Variants in PDZD8 observed in about 807,000 individuals in gnomAD.
The protein encoded by PDZD8 is PDZ domain-containing protein 8.
PDZD8 carries 14 observed loss-of-function variants against 85.8 expected under a neutral mutation model. The ratio of observed to expected loss-of-function variants is 0.16; its 90% CI spans 0.11 to 0.26. PDZD8 has a LOEUF of 0.26. Among genes scored for constraint, PDZD8 ranks in the 10% least tolerant of loss-of-function variants. PDZD8 has a pLI of 1.00. For missense variants in PDZD8, 1,197 were observed against 1,424.3 expected, an observed-to-expected ratio of 0.84 and a Z score of 2.57; for synonymous variants, 592 against 568.6, an observed-to-expected ratio of 1.04 and a Z score of -0.59.
chr10:117,332,980 G>A (rs147496690), intron 2 of PDZD8, among the ~76,000 whole-genome samples: 4,194 of 151,378 alleles, frequency 0.028, 211 homozygotes, highest in African/African-American at 0.098. Context: ...TTAGATGGGT[G>A]TGGTGGCGGG....
chr10:117,344,347 C>A lies in PDZD8; in HGVS notation c.873-3245G>T, dbSNP rs75111499. ...TGGTGTTTGAACCCTGTTTCCCCAA[C>A]AAGCTCAGGGTGGCAGATTCCACAG... On this transcript the variant is annotated intron_variant, in intron 1 of 4. Coordinates refer to ENST00000334464, the MANE Select transcript of PDZD8 (RefSeq NM_173791.5). Among the ~76,000 whole-genome samples the A allele has an allele frequency of 7.1e-3, 1,077 of 152,338 alleles. 7 individuals carry two copies. Among genetic ancestry groups the A allele is most frequent in the Middle Eastern group, 0.02 (6 of 294 alleles).
At position 117,282,374 on chromosome 10, in the gene PDZD8, T is replaced by C. The variant is rs363239; in HGVS notation, c.*894A>G. The C allele has an allele frequency of 6.6e-6, 1 of 152,190 alleles. No homozygotes were observed. Among genetic ancestry groups the C allele is most frequent in the East Asian group, 1.9e-4 (1 of 5,194 alleles). The allele number at this position is 152,190 out of a possible 1,614,324, so 9.4% of individuals were successfully genotyped here. Reference sequence around the variant, plus strand: ...AAAATTATCATAAATGTTTAAACTTTTAATTATAAAATTTAAATTTCCATT... The same window carrying C: ...AAAATTATCATAAATGTTTAAACTTCTAATTATAAAATTTAAATTTCCATT... On this transcript the variant is annotated 3_prime_UTR_variant, in exon 5 of 5. Coordinates refer to ENST00000334464, the MANE Select transcript of PDZD8 (RefSeq NM_173791.5).
intron 3 of PDZD8, among the ~76,000 whole-genome samples, chr10:117,304,039 A>C (rs2532780): frequency 0.95 from 145,098 of 152,202 alleles, 69,556 homozygotes; most frequent in East Asian, 1. Flanking sequence ...ATCCTCCAGA[A>C]CCCAGAATGG....
chr10:117,356,609 T>C (rs1380796332), intron 1 of PDZD8, among the ~76,000 whole-genome samples: 2 of 152,226 alleles, frequency 1.3e-5, no homozygotes, highest in African/African-American at 4.8e-5. Flanking sequence ...AGTTATGTTA[T>C]TGTTATTCCT....
chr10:117,317,878 A>G (rs1844157230), intron 3 of PDZD8, among the ~76,000 whole-genome samples: 1 of 152,220 alleles, frequency 6.6e-6, no homozygotes, highest in Non-Finnish European at 1.5e-5. Flanking sequence ...CACTGCTTTC[A>G]TAAACGCAAA....
chr10:117,319,392 A>AACACACACACACACAC (rs199983551), intron 2 of PDZD8, among the ~76,000 whole-genome samples: 3 of 101,720 alleles, frequency 2.9e-5, no homozygotes, highest in Admixed American at 1.1e-4. Flanking sequence ...ATTGCTCATA[A>AACACACACACACACAC]ACACACACAC....
At chr10:117,286,388 A>G (rs1223481556) in intron 4 of PDZD8, among the ~76,000 whole-genome samples, 3 of 152,210 alleles carry the variant, frequency 2.0e-5, no homozygotes, top group Non-Finnish European at 4.4e-5. Flanking sequence ...CCCTTTATGT[A>G]GAACTTAGAG....
chr10:117,322,704 GA>G (rs79859539), intron 2 of PDZD8, among the ~76,000 whole-genome samples: 6,918 of 152,184 alleles, frequency 0.045, 303 homozygotes, highest in East Asian at 0.22. Flanking sequence ...TTGATCAGTG[GA>G]ATGTCAGAGC....
intron 1 of PDZD8, among the ~76,000 whole-genome samples, chr10:117,367,493 G>A (rs1208650660): frequency 6.6e-6 from 1 of 152,170 alleles, no homozygotes; most frequent in South Asian, 2.1e-4. Context: ...CAAATTTCTA[G>A]AGCAAAGATG....
chr10:117,327,099 C>G (rs1390359658), intron 2 of PDZD8, among the ~76,000 whole-genome samples: 3 of 152,164 alleles, frequency 2.0e-5, no homozygotes, highest in Non-Finnish European at 4.4e-5. Context: ...GTCAAATGGT[C>G]TCTCTTGGCT....
At position 117,281,647 on chromosome 10, in the gene PDZD8, A is replaced by G. The variant is rs1372412400; in HGVS notation, c.*1621T>C. On this transcript the variant is annotated 3_prime_UTR_variant, in exon 5 of 5. Coordinates refer to ENST00000334464, the MANE Select transcript of PDZD8 (RefSeq NM_173791.5). ...CAGTTATGCTATTGTTTCCCTCACA[A>G]CAATACTGTGAGGGAGGTAAAGTAT... The G allele has an allele frequency of 6.6e-6, 1 of 152,168 alleles. No homozygotes were observed. The highest frequency in any genetic ancestry group is 1.9e-4 in the East Asian group (1 of 5,194). 9.4% of individuals were successfully genotyped at this position (152,168 alleles called of 1,614,324 possible). A position where few individuals can be genotyped will look rare whatever the true frequency, so the allele number is the denominator to read the frequency against.
intron 3 of PDZD8, among the ~76,000 whole-genome samples, chr10:117,311,576 C>T (rs964870734): frequency 3.3e-5 from 5 of 151,970 alleles, no homozygotes; most frequent in South Asian, 4.2e-4. Context: ...AACATAAATG[C>T]GAAATCCCAA....
intron 1 of PDZD8, among the ~76,000 whole-genome samples, chr10:117,346,122 T>G (rs1362436797): frequency 1.3e-5 from 2 of 149,538 alleles, no homozygotes; most frequent in Non-Finnish European, 3.0e-5. Context: ...GCACCTGTAA[T>G]CCCAGCTACT....
intron 2 of PDZD8, among the ~76,000 whole-genome samples, chr10:117,337,816 G>A (rs1360778681): frequency 6.6e-6 from 1 of 152,130 alleles, no homozygotes; most frequent in East Asian, 1.9e-4. Flanking sequence ...CTTGCCTAGT[G>A]ACACTATATA....
Position 117,285,159 on chromosome 10 carries a change from A to G in PDZD8, c.1574T>C (p.Val525Ala), listed in dbSNP as rs747102745. The G allele has an allele frequency of 1.2e-6, 2 of 1,614,168 alleles. No individual in the cohort carries two copies. Among genetic ancestry groups the G allele is most frequent in the Non-Finnish European group, 1.7e-6 (2 of 1,180,014 alleles). ...AQSLSHSPKR[V>A]PTTLSIKPLG... ...GGGTTTAATAGAAAGTGTTGTTGGAACACGTTTGGGACTATGACTTAATGA... is the reference window on the plus strand; with the variant it reads ...GGGTTTAATAGAAAGTGTTGTTGGAGCACGTTTGGGACTATGACTTAATGA... Residue 525 changes from valine (V) to alanine (A), a missense_variant, in exon 5 of 5, where the codon GTT becomes GCT. Coordinates refer to ENST00000334464, the MANE Select transcript of PDZD8 (RefSeq NM_173791.5).
chr10:117,351,167 A>G (rs897556795), intron 1 of PDZD8, among the ~76,000 whole-genome samples: 2 of 152,212 alleles, frequency 1.3e-5, no homozygotes, highest in African/African-American at 4.8e-5. Flanking sequence ...TGACTCTGCA[A>G]TCCTACTCCT....
intron 1 of PDZD8, among the ~76,000 whole-genome samples, chr10:117,356,556 T>C (rs1404452836): frequency 6.6e-6 from 1 of 152,218 alleles, no homozygotes; most frequent in Non-Finnish European, 1.5e-5. Context: ...AATAAAGTTA[T>C]ATTTAAGTGT....
At chr10:117,295,878 C>A (rs997817776) in intron 3 of PDZD8, among the ~76,000 whole-genome samples, 1 of 151,822 alleles carries the variant, frequency 6.6e-6, no homozygotes, top group African/African-American at 2.4e-5. Flanking sequence ...CTACAAATAA[C>A]ACAAAACTCA....
intron 2 of PDZD8, among the ~76,000 whole-genome samples, chr10:117,334,989 C>A (rs1012825363): frequency 5.9e-5 from 9 of 151,846 alleles, no homozygotes; most frequent in Non-Finnish European, 2.9e-5. Context: ...AAAAAATAGC[C>A]CAAGCTCCCA....
Sources: gnomAD v4.1 joint callset for allele counts (sites outside exome capture counted in the v4.1 genomes callset) on GRCh38, gnomAD v4.1.1 for gene constraint, MANE v1.5 for transcripts, NCBI Gene and HGNC (gene_info 2026-07-23, HGNC 2026-07-21) for gene names.